Variants in LAMA2 observed in about 807,000 individuals in gnomAD.
LAMA2 encodes laminin subunit alpha 2.
In LAMA2, 269 loss-of-function variants were observed where a neutral mutation model predicts 364.8. The observed-to-expected ratio is 0.74, with a 90% CI of 0.67 to 0.82. The LOEUF (loss-of-function observed/expected upper bound fraction) is 0.82, where lower values mean the gene tolerates loss of function less well. Among genes scored for constraint, LAMA2 ranks in the 40% least tolerant of loss-of-function variants. The pLI, the probability that LAMA2 is intolerant of heterozygous loss-of-function variation, is 0.00. For missense variants in LAMA2, 3,807 were observed against 3,873.2 expected, an observed-to-expected ratio of 0.98 and a Z score of 0.45; for synonymous variants, 1,379 against 1,370.6, an observed-to-expected ratio of 1.01 and a Z score of -0.14.
intron 1 of LAMA2, among the ~76,000 whole-genome samples, chr6:129,048,336 G>A (rs945182103): frequency 1.3e-5 from 2 of 152,020 alleles, no homozygotes; most frequent in African/African-American, 2.4e-5. Context: ...ACAAATTCAA[G>A]ATCTAGAGAT....
chr6:129,086,927 C>G (rs886340046), intron 3 of LAMA2, among the ~76,000 whole-genome samples: 10 of 152,146 alleles, frequency 6.6e-5, no homozygotes, highest in African/African-American at 2.4e-4. Context: ...CTACCTGCAT[C>G]CTTTGGCTCA....
intron 8 of LAMA2, chr6:129,158,926 C>A: frequency 6.2e-7 from 1 of 1,600,860 alleles, no homozygotes; most frequent in African/African-American, 1.3e-5. Context: ...CTGGGCAGTG[C>A]CCTCAGCAAT....
chr6:128,930,396 T>C (rs1779392100), intron 1 of LAMA2, among the ~76,000 whole-genome samples: 1 of 152,190 alleles, frequency 6.6e-6, no homozygotes, highest in African/African-American at 2.4e-5. Context: ...AAATTAGGCA[T>C]AGACACCGTC....
intron 15 of LAMA2, among the ~76,000 whole-genome samples, chr6:129,265,376 A>C (rs969747768): frequency 7.2e-5 from 11 of 152,192 alleles, no homozygotes; most frequent in African/African-American, 2.7e-4. Flanking sequence ...TTTGCAGAGT[A>C]TTAAAACAAA....
chr6:129,324,546 C>T (rs892891189), intron 28 of LAMA2, among the ~76,000 whole-genome samples: 6 of 152,146 alleles, frequency 3.9e-5, no homozygotes, highest in Non-Finnish European at 8.8e-5. Flanking sequence ...GACAGGGATA[C>T]GTTCTGAGAA....
intron 23 of LAMA2, among the ~76,000 whole-genome samples, chr6:129,313,637 G>GA (rs1774372107): frequency 6.6e-6 from 1 of 152,148 alleles, no homozygotes; most frequent in Admixed American, 6.6e-5. Flanking sequence ...AAATGATGTA[G>GA]AAAAAGAGCC....
rs559347121 is a variant in LAMA2 at position 129,271,616 on chromosome 6, A to G, written c.2450+865A>G. Among the ~76,000 whole-genome samples the G allele has an allele frequency of 7.1e-4, 108 of 152,090 alleles. 1 individual carries two copies. Among genetic ancestry groups the G allele is most frequent in the African/African-American group, 2.6e-3 (108 of 41,506 alleles). On this transcript the variant is annotated intron_variant, in intron 17 of 64. Coordinates refer to ENST00000421865, the MANE Select transcript of LAMA2 (RefSeq NM_000426.4). Reference sequence around the variant, plus strand: ...GGACTACAGGCTGTGTTGAATAAAAATCAACAATTTTTACTCAAAAGTGAT... The same window carrying G: ...GGACTACAGGCTGTGTTGAATAAAAGTCAACAATTTTTACTCAAAAGTGAT...
At chr6:129,174,838 C>T (rs572848622) in intron 9 of LAMA2, among the ~76,000 whole-genome samples, 1 of 149,904 alleles carries the variant, frequency 6.7e-6, no homozygotes, top group Non-Finnish European at 1.5e-5. Flanking sequence ...TACCTACCTA[C>T]CTACCTACCT....
intron 32 of LAMA2, among the ~76,000 whole-genome samples, chr6:129,357,672 T>A (rs1055861220): frequency 1.3e-5 from 2 of 152,022 alleles, no homozygotes; most frequent in African/African-American, 4.8e-5. Context: ...ACCGGAAGTC[T>A]GAAGTTTTAT....
chr6:129,201,027 G>C (rs981385091), intron 12 of LAMA2, among the ~76,000 whole-genome samples: 8 of 152,072 alleles, frequency 5.3e-5, no homozygotes, highest in African/African-American at 1.9e-4. Context: ...TTGAATAATA[G>C]TATCTAGATT....
chr6:128,962,185 T>TATATATATACACACAC (rs1214826895), intron 1 of LAMA2, among the ~76,000 whole-genome samples: 23 of 103,928 alleles, frequency 2.2e-4, no homozygotes, highest in African/African-American at 8.2e-4. Flanking sequence ...TATATATATA[T>TATATATATACACACAC]ACACACATAC....
chr6:128,971,132 A>G (rs2114616656), intron 1 of LAMA2, among the ~76,000 whole-genome samples: 1 of 152,324 alleles, frequency 6.6e-6, no homozygotes, highest in African/African-American at 2.4e-5. Flanking sequence ...TACCTGAAAG[A>G]CCTAGTGAAG....
intron 3 of LAMA2, among the ~76,000 whole-genome samples, chr6:129,072,479 A>C (rs925516853): frequency 6.6e-6 from 1 of 152,042 alleles, no homozygotes; most frequent in African/African-American, 2.4e-5. Flanking sequence ...GAGCAGCATA[A>C]ATTTGAATTG....
At position 129,503,213 on chromosome 6, in the gene LAMA2, A is replaced by T. The variant is rs1465903877; in HGVS notation, c.8480A>T (p.Tyr2827Phe). 6.2e-7 allele frequency: 1 copy of T among 1,613,992 alleles called. No homozygotes were observed. Among genetic ancestry groups the T allele is most frequent in the Non-Finnish European group, 8.5e-7 (1 of 1,179,970 alleles). ...AGAAATGGATTGCCCTACTTCAGCT[A>T]TGACTTGGGGAGTGGGGACACCCAC... ...QLRNGLPYFS[Y>F]DLGSGDTHTM... Residue 2827 changes from tyrosine (Y) to phenylalanine (F), a missense_variant, in exon 60 of 65, where the codon TAT becomes TTT. Around this residue, in one of 3 missense-constraint regions of LAMA2, gnomAD observed 3,333 missense variants for 3,345.7 expected, o/e 1.00. Coordinates refer to ENST00000421865, the MANE Select transcript of LAMA2 (RefSeq NM_000426.4).
intron 1 of LAMA2, among the ~76,000 whole-genome samples, chr6:128,990,949 T>A (rs1056121132): frequency 1.3e-5 from 2 of 152,110 alleles, no homozygotes; most frequent in Non-Finnish European, 2.9e-5. Context: ...AGAATACAGG[T>A]ATTTTAATTT....
intron 18 of LAMA2, among the ~76,000 whole-genome samples, chr6:129,283,399 G>A (rs1018929286): frequency 1.3e-5 from 2 of 152,020 alleles, no homozygotes; most frequent in African/African-American, 4.8e-5. Flanking sequence ...TCAGCAACAT[G>A]TCATACATTA....
chr6:129,169,652 G>A (rs1176261411), intron 9 of LAMA2, among the ~76,000 whole-genome samples: 4 of 146,072 alleles, frequency 2.7e-5, no homozygotes, highest in Non-Finnish European at 6.0e-5. Context: ...GCCTGGCTTT[G>A]GTATCAGAAT....
At chr6:129,047,359 A>G (rs1374249604) in intron 1 of LAMA2, among the ~76,000 whole-genome samples, 1 of 152,196 alleles carries the variant, frequency 6.6e-6, no homozygotes, top group East Asian at 1.9e-4. Flanking sequence ...TGTTGGGGCC[A>G]GAGAGCACAG....
intron 4 of LAMA2, among the ~76,000 whole-genome samples, chr6:129,111,498 C>T (rs1041177234): frequency 5.9e-5 from 9 of 151,778 alleles, no homozygotes; most frequent in African/African-American, 2.2e-4. Flanking sequence ...CTTCTAAACC[C>T]GAGCCTACTA....
Sources: allele counts gnomAD v4.1 joint callset (sites outside exome capture counted in the v4.1 genomes callset), GRCh38; gene constraint gnomAD v4.1.1; regional missense constraint gnomAD v4.1.1; transcripts MANE v1.5; gene names NCBI Gene and HGNC (gene_info 2026-07-23, HGNC 2026-07-21).